Variants in MAMLD1 observed in about 807,000 individuals in gnomAD.
MAMLD1 encodes mastermind-like domain-containing protein 1.
MAMLD1 carries 14 observed loss-of-function variants against 45.0 expected under a neutral mutation model. The observed-to-expected ratio is 0.31, with a 90% CI of 0.21 to 0.49. The LOEUF (loss-of-function observed/expected upper bound fraction) is 0.49, where lower values mean the gene tolerates loss of function less well. MAMLD1 is among the 20% of genes least tolerant of loss of function. The pLI is 0.99. For missense variants in MAMLD1, 543 were observed against 603.6 expected (o/e 0.90, Z 1.05); for synonymous variants, 254 against 247.8 (o/e 1.02, Z -0.24).
chrX:150,512,491 TCAGCAGCA>T lies in MAMLD1; in HGVS notation c.*534_*541del. 1 of 1,156,013 alleles carries T rather than the reference TCAGCAGCA, an allele frequency of 8.7e-7. No individual in the cohort carries two copies. Among genetic ancestry groups the T allele is most frequent in the Non-Finnish European group, 1.1e-6 (1 of 872,886 alleles). ...CCCTCAGCCAAGTGGATAATAGCGT[TCAGCAGCA>T]CTCACCTTCTGGCCAGGCCTGCCTT... On this transcript the variant is annotated 3_prime_UTR_variant, in exon 8 of 8. Coordinates refer to ENST00000370401, the MANE Select transcript of MAMLD1 (RefSeq NM_005491.5).
chrX:150,509,200 G>T (rs1557409007), intron 6 of MAMLD1: 1 of 111,957 alleles, frequency 8.9e-6, no homozygotes, highest in African/African-American at 3.2e-5. Context: ...AGGGCGGGAG[G>T]TTGGCAGTAA....
At chrX:150,422,139 A>T (rs1011796616) in intron 1 of MAMLD1, among the ~76,000 whole-genome samples, 1 of 112,467 alleles carries the variant, frequency 8.9e-6, no homozygotes, top group Admixed American at 9.4e-5. Flanking sequence ...AACCTCAGTG[A>T]TGTCGGCACT....
intron 5 of MAMLD1, among the ~76,000 whole-genome samples, chrX:150,492,471 G>A (rs903853542): frequency 5.3e-5 from 6 of 112,585 alleles, no homozygotes; most frequent in East Asian, 2.8e-4. Flanking sequence ...AATCAAAGCC[G>A]CATACTCTGC....
chrX:150,444,035 G>C (rs781836392), intron 1 of MAMLD1, among the ~76,000 whole-genome samples: 1 of 112,274 alleles, frequency 8.9e-6, no homozygotes, highest in East Asian at 2.8e-4. Flanking sequence ...GACTTCCTCT[G>C]ACACTGCTCT....
chrX:150,369,406 C>G (rs1435054596), intron 1 of MAMLD1, among the ~76,000 whole-genome samples: 1 of 112,212 alleles, frequency 8.9e-6, no homozygotes, highest in Admixed American at 9.4e-5. Context: ...TGGGAAACAG[C>G]TAGACAGATA....
At chrX:150,379,711 CTG>C (rs1212727875) in intron 1 of MAMLD1, among the ~76,000 whole-genome samples, 1 of 112,184 alleles carries the variant, frequency 8.9e-6, no homozygotes, top group African/African-American at 3.2e-5. Context: ...ATTAGCTTTT[CTG>C]TGTTTCCTTT....
chrX:150,473,020 C>A (rs1343596631), intron 4 of MAMLD1, among the ~76,000 whole-genome samples: 1 of 112,537 alleles, frequency 8.9e-6, no homozygotes, highest in African/African-American at 3.2e-5. Context: ...GTGACCTGAT[C>A]ATGTTTTACA....
chrX:150,365,480 C>T (rs1237885420), intron 1 of MAMLD1, among the ~76,000 whole-genome samples: 1 of 113,088 alleles, frequency 8.8e-6, no homozygotes, highest in African/African-American at 3.2e-5. Context: ...GGTGGGCAGA[C>T]GCGACTCGCC....
At chrX:150,500,516 C>G (rs2037521238) in intron 5 of MAMLD1, among the ~76,000 whole-genome samples, 1 of 111,041 alleles carries the variant, frequency 9.0e-6, no homozygotes, top group Admixed American at 9.6e-5. Flanking sequence ...AGCCCAGGGT[C>G]CAGGGGGATG....
intron 1 of MAMLD1, among the ~76,000 whole-genome samples, chrX:150,398,307 A>T: frequency 1.0e-5 from 1 of 99,232 alleles, no homozygotes; most frequent in Non-Finnish European, 2.0e-5. Flanking sequence ...AAGAAGAAGA[A>T]GAAGAAGAAG....
chrX:150,513,799 T>C lies in MAMLD1; in HGVS notation c.*1840T>C, dbSNP rs2037967081. ...AGGAGCTAGAGTATCCTCCTCCCTT[T>C]ACCATTCAGACCGAGAGAAAAAGCC... is the stretch of plus-strand genomic sequence containing the variant. On this transcript the variant is annotated 3_prime_UTR_variant, in exon 8 of 8. Transcript: ENST00000370401. 1 of 295,876 alleles carries C rather than the reference T, an allele frequency of 3.4e-6. No individual in the cohort carries two copies. Among genetic ancestry groups the C allele is most frequent in the African/African-American group, 2.7e-5 (1 of 36,376 alleles). The allele number at this position is 295,876 out of a possible 1,213,427, so 24.4% of individuals were successfully genotyped here. A position where few individuals can be genotyped will look rare whatever the true frequency, so the allele number is the denominator to read the frequency against.
At chrX:150,411,053 T>C (rs782545113) in intron 1 of MAMLD1, among the ~76,000 whole-genome samples, 46 of 111,863 alleles carry the variant, frequency 4.1e-4, no homozygotes, top group Non-Finnish European at 7.9e-4. Context: ...ACAATTCTTC[T>C]TCCACTGTGG....
chrX:150,453,765 C>T (rs1189795715), intron 2 of MAMLD1, among the ~76,000 whole-genome samples: 2 of 111,908 alleles, frequency 1.8e-5, no homozygotes, highest in East Asian at 5.7e-4. Flanking sequence ...GCTGCCTGCC[C>T]GTCACTGGAA....
At chrX:150,467,722 T>A (rs1197066777) in intron 3 of MAMLD1, among the ~76,000 whole-genome samples, 1 of 112,054 alleles carries the variant, frequency 8.9e-6, no homozygotes, top group Non-Finnish European at 1.9e-5. Context: ...GGCAGCTGAG[T>A]GGTGGTGGAG....
At chrX:150,498,976 G>A (rs1461829935) in intron 5 of MAMLD1, among the ~76,000 whole-genome samples, 1 of 112,133 alleles carries the variant, frequency 8.9e-6, no homozygotes, top group Admixed American at 9.5e-5. Context: ...TGGGGCAGGA[G>A]GCATTCATCA....
chrX:150,513,811 C>G lies in MAMLD1; in HGVS notation c.*1852C>G, dbSNP rs187063521. 3.7e-5 allele frequency: 11 copies of G among 295,719 alleles called. No homozygotes were observed. The highest frequency in any genetic ancestry group is 3.0e-4 in the African/African-American group (11 of 36,367). 24.4% of individuals were successfully genotyped at this position (295,719 alleles called of 1,213,427 possible). A position where few individuals can be genotyped will look rare whatever the true frequency, so the allele number is the denominator to read the frequency against. On this transcript the variant is annotated 3_prime_UTR_variant, in exon 8 of 8. Coordinates refer to ENST00000370401, the MANE Select transcript of MAMLD1 (RefSeq NM_005491.5). ...ATCCTCCTCCCTTTACCATTCAGAC[C>G]GAGAGAAAAAGCCCAGCTTGTGTGC...
chrX:150,488,109 C>T (rs990631415), intron 5 of MAMLD1, among the ~76,000 whole-genome samples: 10 of 112,837 alleles, frequency 8.9e-5, no homozygotes, highest in Non-Finnish European at 1.3e-4. Flanking sequence ...CTGGCATCTA[C>T]AGCCAACTTT....
At chrX:150,401,937 C>T (rs2033787645) in intron 1 of MAMLD1, among the ~76,000 whole-genome samples, 1 of 110,947 alleles carries the variant, frequency 9.0e-6, no homozygotes, top group African/African-American at 3.3e-5. Context: ...GGATTAAAGA[C>T]TTAAACATTA....
At chrX:150,466,049 G>A (rs1448836897) in intron 3 of MAMLD1, among the ~76,000 whole-genome samples, 1 of 112,789 alleles carries the variant, frequency 8.9e-6, no homozygotes, top group Non-Finnish European at 1.9e-5. Flanking sequence ...ACAGGCACAG[G>A]TGACCCAGTG....
Sources: allele counts gnomAD v4.1 joint callset (sites outside exome capture counted in the v4.1 genomes callset), GRCh38; gene constraint gnomAD v4.1.1; transcripts MANE v1.5; gene names NCBI Gene and HGNC (gene_info 2026-07-23, HGNC 2026-07-21).